The following ERC2 variants were observed in gnomAD, a reference collection of about 807,000 sequenced individuals.
ERC2 encodes ELKS/RAB6-interacting/CAST family member 2.
ERC2 carries 42 observed loss-of-function variants against 114.8 expected under a neutral mutation model. That is an observed-to-expected ratio of 0.37 (90% confidence interval 0.29 to 0.47). The LOEUF (loss-of-function observed/expected upper bound fraction) is 0.47. ERC2 is among the 20% of genes least tolerant of loss of function. The pLI is 0.99. For synonymous variants in ERC2, 454 were observed against 425.5 expected, an observed-to-expected ratio of 1.07 and a Z score of -0.82; for missense variants, 939 against 1,150.7, an observed-to-expected ratio of 0.82 and a Z score of 2.66.
chr3:55,840,732 T>C (rs2061094944), intron 14 of ERC2, among the ~76,000 whole-genome samples: 1 of 152,088 alleles, frequency 6.6e-6, no homozygotes, highest in Non-Finnish European at 1.5e-5. Context: ...ACAATCCAAA[T>C]GTGCGGCAAC....
intron 3 of ERC2, among the ~76,000 whole-genome samples, chr3:56,275,576 T>C (rs1560504798): frequency 3.3e-5 from 5 of 152,190 alleles, no homozygotes; most frequent in African/African-American, 1.2e-4. Context: ...CACACTGCCC[T>C]GGGTAGAGCT....
At position 56,215,119 on chromosome 3, in the gene ERC2, C is replaced by T. The variant is rs540450572; in HGVS notation, c.1075-41599G>A. Among the ~76,000 whole-genome samples the T allele has an allele frequency of 6.6e-5, 10 of 152,262 alleles. No homozygotes were observed. The South Asian group carries it at 1.9e-3, about 28-fold the overall frequency. On this transcript the variant is annotated intron_variant, in intron 3 of 17. Transcript: ENST00000288221. ...AAATAACGAGCTAACATCATAATGA[C>T]AGGATCAAATTCACACATAACAATA...
intron 1 of ERC2, among the ~76,000 whole-genome samples, chr3:56,465,038 T>TCAC (rs1414955149): frequency 6.6e-6 from 1 of 152,216 alleles, no homozygotes; most frequent in Non-Finnish European, 1.5e-5. Context: ...TGGCAAACCT[T>TCAC]CACCACTGAG....
chr3:55,925,024 T>G (rs1281696284), intron 13 of ERC2, among the ~76,000 whole-genome samples: 2 of 152,218 alleles, frequency 1.3e-5, no homozygotes, highest in African/African-American at 4.8e-5. Flanking sequence ...TTATTTAATC[T>G]GTTGCCACTT....
At chr3:55,663,805 C>T (rs943014965) in intron 17 of ERC2, among the ~76,000 whole-genome samples, 1 of 152,180 alleles carries the variant, frequency 6.6e-6, no homozygotes, top group Admixed American at 6.5e-5. Context: ...ATAAAGCAAA[C>T]ATGAGTACCA....
Position 55,734,856 on chromosome 3 carries a change from G to C in ERC2, c.2627C>G (p.Ser876Cys). Residue 876 changes from serine to cysteine, a missense_variant, in exon 15 of 18, where the codon TCT becomes TGT. By Grantham distance (112) the Ser-to-Cys change is moderately radical. Coordinates refer to ENST00000288221, the MANE Select transcript of ERC2 (RefSeq NM_015576.3). ...KDANIALLEL[S>C]ASKKKKTQEE... ...CTGCGTCTTTTTCTTTTTGGAGGCA[G>C]ACAATTCCAGCAAGGCAATGTTTGC... 1.2e-6 allele frequency: 2 copies of C among 1,612,396 alleles called. No individual in the cohort carries two copies. Among genetic ancestry groups the C allele is most frequent in the Non-Finnish European group, 1.7e-6 (2 of 1,179,184 alleles).
intron 17 of ERC2, among the ~76,000 whole-genome samples, chr3:55,597,392 C>G (rs942244286): frequency 6.7e-6 from 1 of 150,014 alleles, no homozygotes; most frequent in Admixed American, 6.7e-5. Flanking sequence ...TGCACTCCAG[C>G]CTGGGTGACA....
In ERC2 at chr3:55,699,502, C is replaced by T; in HGVS notation, c.2723G>A (p.Arg908Lys). Residue 908 changes from arginine (R) to lysine (K), a missense_variant, in exon 16 of 18, where the codon AGA (arginine) becomes AAA (lysine). Physicochemically the swap from Arg to Lys is conservative, Grantham distance 26. Transcript: ENST00000288221. ...VHQLKQQTQNRMKLMADNYDD... is the reference protein window; with the variant it reads ...VHQLKQQTQNKMKLMADNYDD... ...ATAGTTGTCTGCCATCAACTTCATT[C>T]TGTTCTGGGTCTGTGCAGAACAAAA... 2 of 1,612,724 alleles carry T rather than the reference C, an allele frequency of 1.2e-6. No homozygotes were observed. The highest frequency in any genetic ancestry group is 2.2e-5 in the South Asian group (2 of 90,970).
chr3:56,278,371 T>C (rs2054144793), intron 3 of ERC2, among the ~76,000 whole-genome samples: 1 of 152,174 alleles, frequency 6.6e-6, no homozygotes, highest in Non-Finnish European at 1.5e-5. Context: ...TTCAGCTAAA[T>C]AATTGATCAA....
chr3:55,693,419 A>G (rs1236756527), intron 16 of ERC2, among the ~76,000 whole-genome samples: 4 of 152,126 alleles, frequency 2.6e-5, no homozygotes, highest in African/African-American at 9.7e-5. Context: ...GAGAGTGAGC[A>G]AGGGAATGTG....
intron 17 of ERC2, among the ~76,000 whole-genome samples, chr3:55,623,151 C>G (rs2059388492): frequency 6.6e-6 from 1 of 152,206 alleles, no homozygotes; most frequent in African/African-American, 2.4e-5. Context: ...GCACAAGCCC[C>G]ACTGCCTGGT....
chr3:55,838,685 T>G (rs112968362), intron 14 of ERC2, among the ~76,000 whole-genome samples: 211 of 151,934 alleles, frequency 1.4e-3, no homozygotes, highest in African/African-American at 4.9e-3. Flanking sequence ...TCACTTAAGT[T>G]GATAAATCTC....
chr3:56,236,744 C>T (rs1369699211), intron 3 of ERC2, among the ~76,000 whole-genome samples: 1 of 152,150 alleles, frequency 6.6e-6, no homozygotes, highest in Admixed American at 6.6e-5. Context: ...GAACTAACAT[C>T]TACTAAGTGA....
chr3:56,263,182 A>G (rs2150268308), intron 3 of ERC2, among the ~76,000 whole-genome samples: 1 of 152,048 alleles, frequency 6.6e-6, no homozygotes, highest in South Asian at 2.1e-4. Context: ...TGATTTTCTC[A>G]CTGATTTACA....
intron 17 of ERC2, among the ~76,000 whole-genome samples, chr3:55,538,592 G>A (rs181755006): frequency 7.2e-5 from 11 of 152,246 alleles, no homozygotes; most frequent in African/African-American, 1.4e-4. Flanking sequence ...TTTAACGAAC[G>A]CTTTTGGAAA....
At chr3:55,954,411 C>A (rs1283484085) in intron 12 of ERC2, among the ~76,000 whole-genome samples, 3 of 152,130 alleles carry the variant, frequency 2.0e-5, no homozygotes, top group African/African-American at 4.8e-5. Flanking sequence ...CAGAATCCTG[C>A]CATTTTCACT....
At chr3:55,983,892 T>G (rs2070364178) in intron 12 of ERC2, among the ~76,000 whole-genome samples, 1 of 152,210 alleles carries the variant, frequency 6.6e-6, no homozygotes, top group Non-Finnish European at 1.5e-5. Context: ...CATTTTATCT[T>G]ATTTTAACTG....
intron 3 of ERC2, among the ~76,000 whole-genome samples, chr3:56,177,320 A>G (rs1284770951): frequency 6.6e-6 from 1 of 152,180 alleles, no homozygotes; most frequent in Non-Finnish European, 1.5e-5. Context: ...GGAGGCTCCA[A>G]CTGCCCCTAA....
chr3:55,698,643 A>G (rs2063062071), intron 16 of ERC2, among the ~76,000 whole-genome samples: 3 of 152,198 alleles, frequency 2.0e-5, no homozygotes, highest in Non-Finnish European at 4.4e-5. Flanking sequence ...GGGAGGCAGG[A>G]ATCTTAGTAC....
Sources: allele counts gnomAD v4.1 joint callset (sites outside exome capture counted in the v4.1 genomes callset), GRCh38; gene constraint gnomAD v4.1.1; transcripts MANE v1.5; gene names NCBI Gene and HGNC (gene_info 2026-07-23, HGNC 2026-07-21).